The following DIAPH2 variants were observed in gnomAD, a reference collection of about 807,000 sequenced individuals.
DIAPH2 encodes protein diaphanous homolog 2.
A neutral mutation model predicts 92.7 loss-of-function variants in DIAPH2; 35 were observed. The ratio of observed to expected loss-of-function variants is 0.38; its 90% CI spans 0.29 to 0.50. DIAPH2 has a LOEUF of 0.50. DIAPH2 is among the 20% of genes least tolerant of loss of function. The probability of loss-of-function intolerance (pLI) is 0.94; values close to 1 mark genes in which losing one functional copy is unlikely to be tolerated. For missense variants in DIAPH2, 701 were observed against 819.5 expected (o/e 0.86, Z 1.77); for synonymous variants, 301 against 280.4 (o/e 1.07, Z -0.73).
intron 5 of DIAPH2, among the ~76,000 whole-genome samples, chrX:96,883,587 G>T (rs1179583016): frequency 9.1e-6 from 1 of 109,777 alleles, no homozygotes; most frequent in East Asian, 2.9e-4. Flanking sequence ...CACCACGTTG[G>T]CAGGCTAGTC....
At chrX:97,545,174 T>C (rs748409285) in intron 26 of DIAPH2, among the ~76,000 whole-genome samples, 36 of 111,518 alleles carry the variant, frequency 3.2e-4, no homozygotes, top group Admixed American at 3.0e-3. Context: ...CCCTAGCCAC[T>C]CTTCAAGGCT....
At chrX:97,281,761 A>C (rs1483496003) in intron 23 of DIAPH2, among the ~76,000 whole-genome samples, 5 of 110,213 alleles carry the variant, frequency 4.5e-5, no homozygotes, top group Admixed American at 3.9e-4. Flanking sequence ...AAAAAAACAC[A>C]TACGCAAAAG....
intron 1 of DIAPH2, among the ~76,000 whole-genome samples, chrX:96,718,197 A>T (rs1174534882): frequency 9.3e-6 from 1 of 107,248 alleles, no homozygotes; most frequent in Non-Finnish European, 1.9e-5. Context: ...GAAAACATGC[A>T]ACGTTTGCCT....
intron 22 of DIAPH2, among the ~76,000 whole-genome samples, chrX:97,230,197 T>C (rs2067999605): frequency 8.9e-6 from 1 of 111,743 alleles, no homozygotes. Context: ...TTTTCAAATA[T>C]TGATAAGAAA....
intron 1 of DIAPH2, among the ~76,000 whole-genome samples, chrX:96,701,073 C>G (rs1225185055): frequency 1.8e-5 from 2 of 111,695 alleles, no homozygotes; most frequent in Non-Finnish European, 3.8e-5. Context: ...CTTTCTAGTT[C>G]TTTATATAAC....
At chrX:97,574,632 C>T (rs916017126) in intron 26 of DIAPH2, among the ~76,000 whole-genome samples, 2 of 111,367 alleles carry the variant, frequency 1.8e-5, no homozygotes, top group African/African-American at 6.5e-5. Context: ...AAGGGAACAG[C>T]ATTTATGGAG....
At chrX:97,107,780 T>C (rs2066951854) in intron 20 of DIAPH2, among the ~76,000 whole-genome samples, 1 of 112,318 alleles carries the variant, frequency 8.9e-6, no homozygotes, top group Non-Finnish European at 1.9e-5. Flanking sequence ...AGCAAATATA[T>C]ATTTGTTACA....
chrX:97,061,644 T>TA (rs765838069), intron 17 of DIAPH2, among the ~76,000 whole-genome samples: 4,078 of 98,676 alleles, frequency 0.041, 201 homozygotes, highest in African/African-American at 0.13. Flanking sequence ...CCATCTCTAC[T>TA]AAAAAAAAAA....
chrX:97,271,295 C>T (rs2068384298), intron 23 of DIAPH2, among the ~76,000 whole-genome samples: 1 of 111,835 alleles, frequency 8.9e-6, no homozygotes, highest in African/African-American at 3.2e-5. Context: ...TTCATTAATG[C>T]TGTCCTTCAG....
intron 25 of DIAPH2, among the ~76,000 whole-genome samples, chrX:97,425,650 G>A (rs2070054837): frequency 9.2e-6 from 1 of 108,742 alleles, no homozygotes; most frequent in Admixed American, 1.0e-4. Context: ...GCATGGTGGT[G>A]CACACTTGTA....
At chrX:97,149,572 A>G (rs1370886656) in intron 22 of DIAPH2, among the ~76,000 whole-genome samples, 1 of 109,012 alleles carries the variant, frequency 9.2e-6, no homozygotes, top group African/African-American at 3.3e-5. Context: ...TCTACTAAAA[A>G]TACAAAAAAG....
chrX:97,205,647 G>A (rs991482771), intron 22 of DIAPH2, among the ~76,000 whole-genome samples: 2 of 111,409 alleles, frequency 1.8e-5, no homozygotes, highest in African/African-American at 3.3e-5. Flanking sequence ...TTAAAAGTCA[G>A]CAAACAATAG....
intron 4 of DIAPH2, among the ~76,000 whole-genome samples, chrX:96,782,090 A>ATATTT (rs779346508): frequency 1.7e-3 from 194 of 111,129 alleles, no homozygotes; most frequent in African/African-American, 5.8e-3. Context: ...TTTATTCTAA[A>ATATTT]TATTTTATTT....
chrX:96,894,833 A>G (rs2065331932), intron 5 of DIAPH2, among the ~76,000 whole-genome samples: 1 of 111,120 alleles, frequency 9.0e-6, no homozygotes, highest in Non-Finnish European at 1.9e-5. Flanking sequence ...GCTGATGACC[A>G]TAGTTTGATT....
intron 23 of DIAPH2, among the ~76,000 whole-genome samples, chrX:97,347,156 T>C (rs2069165700): frequency 9.6e-6 from 1 of 104,544 alleles, no homozygotes; most frequent in Non-Finnish European, 2.0e-5. Context: ...TGGCGCAATC[T>C]TGGCTCAGCA....
At chrX:97,415,073 A>ATTTC (rs2069928156) in intron 25 of DIAPH2, among the ~76,000 whole-genome samples, 1 of 45,464 alleles carries the variant, frequency 2.2e-5, no homozygotes, top group African/African-American at 8.2e-5. Context: ...AAAAGAAGAC[A>ATTTC]TTTATGCAGC....
chrX:96,902,650 T>C (rs2065405656), intron 5 of DIAPH2, among the ~76,000 whole-genome samples: 1 of 111,505 alleles, frequency 9.0e-6, no homozygotes, highest in South Asian at 3.8e-4. Flanking sequence ...TATAAATATA[T>C]ACCGTTTTTA....
intron 23 of DIAPH2, among the ~76,000 whole-genome samples, chrX:97,265,914 C>A (rs1168117729): frequency 8.9e-6 from 1 of 111,938 alleles, no homozygotes; most frequent in Non-Finnish European, 1.9e-5. Flanking sequence ...AACCCATGCT[C>A]ACAGCATCAT....
At chrX:96,785,475 C>CTTTTTTTTTTTTTTTT (rs1157552270) in intron 4 of DIAPH2, among the ~76,000 whole-genome samples, 1 of 57,203 alleles carries the variant, frequency 1.7e-5, no homozygotes, top group Non-Finnish European at 3.2e-5. Context: ...CCAAACTTGC[C>CTTTTTTTTTTTTTTTT]TTTTTTTTTT....
Sources: allele counts gnomAD v4.1 joint callset (sites outside exome capture counted in the v4.1 genomes callset), GRCh38; gene constraint gnomAD v4.1.1; transcripts MANE v1.5; gene names NCBI Gene and HGNC (gene_info 2026-07-23, HGNC 2026-07-21).